MECOM: variants seen among roughly 807,000 people sequenced by gnomAD.
MECOM encodes the protein histone-lysine N-methyltransferase MECOM.
MECOM carries 13 observed loss-of-function variants against 116.3 expected under a neutral mutation model. The observed-to-expected ratio is 0.11, with a 90% confidence interval of 0.07 to 0.18. The LOEUF is 0.18. Among genes scored for constraint, MECOM ranks in the 10% least tolerant of loss-of-function variants. The pLI, the probability that MECOM is intolerant of heterozygous loss-of-function variation, is 1.00. For synonymous variants in MECOM, 528 were observed against 535.2 expected (o/e 0.99, Z 0.19); for missense variants, 1,299 against 1,509.0 (o/e 0.86, Z 2.31).
chr3:169,331,062 T>C (rs1297990422), intron 2 of MECOM, among the ~76,000 whole-genome samples: 1 of 152,126 alleles, frequency 6.6e-6, no homozygotes, highest in Non-Finnish European at 1.5e-5. Context: ...CTATCAATGA[T>C]AATAACTACT....
At chr3:169,340,094 CA>C (rs1724236820) in intron 2 of MECOM, among the ~76,000 whole-genome samples, 1 of 152,194 alleles carries the variant, frequency 6.6e-6, no homozygotes, top group Non-Finnish European at 1.5e-5. Flanking sequence ...TTCTTACATA[CA>C]TGCACATTTT....
chr3:169,584,642 A>G (rs6774008), intron 1 of MECOM, among the ~76,000 whole-genome samples: 117,376 of 151,552 alleles, frequency 0.77, 45,606 homozygotes, highest in East Asian at 0.95. Flanking sequence ...AAAGGAGGAC[A>G]CTTAGACTTG....
chr3:169,599,900 G>A (rs1767621034), intron 1 of MECOM, among the ~76,000 whole-genome samples: 1 of 152,142 alleles, frequency 6.6e-6, no homozygotes, highest in African/African-American at 2.4e-5. Flanking sequence ...TTAAAAGGAA[G>A]TCATAATTAA....
chr3:169,089,223 A>G, intron 15 of MECOM, 40 bp from the exon 16 acceptor site: 1 of 1,386,100 alleles, frequency 7.2e-7, no homozygotes, highest in Non-Finnish European at 9.5e-7. Context: ...TTTTCTTTTC[A>G]TTTGTTATCT....
At chr3:169,206,930 G>C (rs1227514162) in intron 2 of MECOM, among the ~76,000 whole-genome samples, 1 of 151,970 alleles carries the variant, frequency 6.6e-6, no homozygotes, top group Non-Finnish European at 1.5e-5. Context: ...ATATTTGAAT[G>C]AAAACATTAA....
intron 2 of MECOM, among the ~76,000 whole-genome samples, chr3:169,375,642 C>T (rs907910249): frequency 6.6e-6 from 1 of 152,074 alleles, no homozygotes; most frequent in Non-Finnish European, 1.5e-5. Context: ...GAAGTCAAAT[C>T]CCTGAATACA....
intron 2 of MECOM, among the ~76,000 whole-genome samples, chr3:169,278,855 T>A (rs925242331): frequency 6.6e-6 from 1 of 152,174 alleles, no homozygotes; most frequent in African/African-American, 2.4e-5. Flanking sequence ...AAGAGACAAG[T>A]CATATATTGG....
At chr3:169,094,508 C>T (rs1379199559) in intron 13 of MECOM, among the ~76,000 whole-genome samples, 2 of 152,176 alleles carry the variant, frequency 1.3e-5, no homozygotes, top group African/African-American at 4.8e-5. Flanking sequence ...ATGCCAGTTA[C>T]TTTTATCTTA....
chr3:169,287,987 A>T (rs142202509), intron 2 of MECOM, among the ~76,000 whole-genome samples: 345 of 152,340 alleles, frequency 2.3e-3, no homozygotes, highest in Non-Finnish European at 3.7e-3. Context: ...AATTGTTAAC[A>T]TCTGCTCATT....
At chr3:169,473,571 C>A (rs894585704) in intron 1 of MECOM, among the ~76,000 whole-genome samples, 1 of 152,066 alleles carries the variant, frequency 6.6e-6, no homozygotes, top group Non-Finnish European at 1.5e-5. Flanking sequence ...GAGATCGAGA[C>A]AATCCTGGCC....
chr3:169,094,415 T>C lies in MECOM; in HGVS notation c.3019+661A>G, dbSNP rs529404167. On this transcript the variant is annotated intron_variant, in intron 13 of 16. Coordinates refer to ENST00000651503, the MANE Select transcript of MECOM (RefSeq NM_004991.4). ...TACTTAATGACTTATTATCTAACTA[T>C]TGGAAGCCAAAGACTAGAAAACCTA... 2.0e-5 allele frequency among the ~76,000 whole-genome samples: 3 copies of C among 152,308 alleles called. No homozygotes were observed. The South Asian group carries it at 6.2e-4, about 32-fold the overall frequency.
intron 2 of MECOM, among the ~76,000 whole-genome samples, chr3:169,202,729 T>C (rs1032910741): frequency 6.6e-6 from 1 of 151,084 alleles, no homozygotes; most frequent in Non-Finnish European, 1.5e-5. Context: ...GCTGCTTCAG[T>C]TTCCACACTT....
At chr3:169,647,955 G>A (rs545045119) in intron 1 of MECOM, among the ~76,000 whole-genome samples, 6 of 152,040 alleles carry the variant, frequency 3.9e-5, no homozygotes, top group South Asian at 4.2e-4. Flanking sequence ...ACATGTTTAC[G>A]GTACCCAAAA....
chr3:169,286,963 T>C (rs1713450773), intron 2 of MECOM, among the ~76,000 whole-genome samples: 1 of 152,198 alleles, frequency 6.6e-6, no homozygotes, highest in African/African-American at 2.4e-5. Context: ...AACTAGTGCA[T>C]TGTTTAATTT....
chr3:169,548,318 T>C (rs1157273368), intron 1 of MECOM, among the ~76,000 whole-genome samples: 1 of 152,206 alleles, frequency 6.6e-6, no homozygotes, highest in African/African-American at 2.4e-5. Context: ...GAAGAACCCA[T>C]GTGCAAGTAG....
intron 1 of MECOM, among the ~76,000 whole-genome samples, chr3:169,599,387 G>A (rs1002932023): frequency 1.3e-5 from 2 of 151,944 alleles, no homozygotes; most frequent in South Asian, 2.1e-4. Flanking sequence ...GGTGGCGCAT[G>A]CCTATAGTCC....
chr3:169,369,639 C>T (rs1049574691), intron 2 of MECOM, among the ~76,000 whole-genome samples: 2 of 151,932 alleles, frequency 1.3e-5, no homozygotes, highest in African/African-American at 2.4e-5. Context: ...CATGAACCAC[C>T]TCACCCAGCC....
chr3:169,444,543 G>A (rs911227550), intron 1 of MECOM, among the ~76,000 whole-genome samples: 4 of 151,976 alleles, frequency 2.6e-5, no homozygotes, highest in African/African-American at 4.8e-5. Context: ...TTCACCCCCC[G>A]CCATGATTCT....
intron 1 of MECOM, among the ~76,000 whole-genome samples, chr3:169,548,316 C>T (rs1415601437): frequency 6.6e-6 from 1 of 152,130 alleles, no homozygotes; most frequent in Non-Finnish European, 1.5e-5. Context: ...AGGAAGAACC[C>T]ATGTGCAAGT....
Sources: gnomAD v4.1 joint callset for allele counts (sites outside exome capture counted in the v4.1 genomes callset) on GRCh38, gnomAD v4.1.1 for gene constraint, MANE v1.5 for transcripts, NCBI Gene and HGNC (gene_info 2026-07-23, HGNC 2026-07-21) for gene names.